The following SMCHD1 variants were observed in gnomAD, a reference collection of about 807,000 sequenced individuals.
The protein encoded by SMCHD1 is structural maintenance of chromosomes flexible hinge domain-containing protein 1.
A neutral mutation model predicts 254.7 loss-of-function variants in SMCHD1; 78 were observed. The observed-to-expected ratio is 0.31, with a 90% CI of 0.26 to 0.37. SMCHD1 has a LOEUF of 0.37. Among genes scored for constraint, SMCHD1 ranks in the 10% least tolerant of loss-of-function variants. The probability of loss-of-function intolerance (pLI) is 1.00; values close to 1 mark genes in which losing one functional copy is unlikely to be tolerated. For synonymous variants in SMCHD1, 766 were observed against 794.9 expected, an observed-to-expected ratio of 0.96 and a Z score of 0.61; for missense variants, 1,840 against 2,408.1, an observed-to-expected ratio of 0.76 and a Z score of 4.94.
intron 25 of SMCHD1, among the ~76,000 whole-genome samples, chr18:2,735,283 C>T (rs1439637454): frequency 6.6e-6 from 1 of 152,086 alleles, no homozygotes; most frequent in African/African-American, 2.4e-5. Context: ...TTGAAGAACA[C>T]ACCTCAAGAT....
Position 2,732,468 on chromosome 18 carries a change from A to C in SMCHD1, c.3252A>C (p.Thr1084=), listed in dbSNP as rs928040828. 1 of 1,605,256 alleles carries C rather than the reference A, an allele frequency of 6.2e-7. No individual in the cohort carries two copies. Among genetic ancestry groups the C allele is most frequent in the East Asian group, 2.2e-5 (1 of 44,706 alleles). ...AAGGAGAAAGAGAAATCAATATAAC[A>C]TCAGCTTTAGCAGAAAAAATTAAAG... The part of the protein sequence containing the change: ...YDEGEREINI[T]SALAEKIKVN... Residue 1084 remains threonine, a synonymous_variant, in exon 25 of 48, where the codon ACA becomes ACC. Transcript: ENST00000320876.
chr18:2,682,793 C>T (rs1313736675), intron 5 of SMCHD1, among the ~76,000 whole-genome samples: 5 of 152,138 alleles, frequency 3.3e-5, no homozygotes, highest in Non-Finnish European at 5.9e-5. Flanking sequence ...CCTAATTCTC[C>T]AGAGGACTGC....
chr18:2,776,872 A>T (rs1351286141), intron 42 of SMCHD1, among the ~76,000 whole-genome samples: 1 of 152,182 alleles, frequency 6.6e-6, no homozygotes, highest in African/African-American at 2.4e-5. Flanking sequence ...CTGACGGGTC[A>T]TAGTTACTAT....
chr18:2,693,411 C>T (rs1300865250), intron 7 of SMCHD1, among the ~76,000 whole-genome samples: 1 of 152,182 alleles, frequency 6.6e-6, no homozygotes, highest in Admixed American at 6.5e-5. Flanking sequence ...TAGGGTACTG[C>T]TCCTAGTCTA....
chr18:2,729,437 T>C (rs1243574799), intron 24 of SMCHD1, 28 bp downstream of exon 24: 23 of 1,459,072 alleles, frequency 1.6e-5, no homozygotes, highest in Non-Finnish European at 2.0e-5. Flanking sequence ...CTCATTGATA[T>C]TATATTGAGT....
intron 1 of SMCHD1, among the ~76,000 whole-genome samples, chr18:2,663,249 G>A (rs1392190144): frequency 6.6e-6 from 1 of 151,720 alleles, no homozygotes; most frequent in Admixed American, 6.5e-5. Context: ...GTGACTACAC[G>A]TGTGCACCAC....
At position 2,665,286 on chromosome 18, in the gene SMCHD1, T is replaced by G. The variant is rs886493145; in HGVS notation, c.187-871T>G. ...TTTTACTTTTTCTCTTTGTTGATCC[T>G]TGTCACCCTTTTGTTTCTTGTTGCA... On this transcript the variant is annotated intron_variant, in intron 1 of 47. Transcript: ENST00000320876. Among the ~76,000 whole-genome samples the G allele has an allele frequency of 3.3e-5, 5 of 152,158 alleles. No homozygotes were observed. The East Asian group carries it at 7.7e-4, about 23-fold the overall frequency.
intron 45 of SMCHD1, among the ~76,000 whole-genome samples, chr18:2,788,415 G>GA (rs2076271627): frequency 1.3e-5 from 2 of 152,132 alleles, no homozygotes; most frequent in Non-Finnish European, 2.9e-5. Flanking sequence ...CTCATGTTTA[G>GA]AACAGTGTGT....
rs1375036925 is a variant in SMCHD1 at position 2,738,550 on chromosome 18, G to GTGGACTCAT, written c.3425+7_3425+15dup. On this transcript the variant is annotated splice_donor_region_variant and intron_variant, in intron 26 of 47. Coordinates refer to ENST00000320876, the MANE Select transcript of SMCHD1 (RefSeq NM_015295.3). ...GGAAAGTGCGTTTACAGTAAGGTTT[G>GTGGACTCAT]TGGACTCATTATATTTTGCAGCCTA... The GTGGACTCAT allele has an allele frequency of 6.2e-7, 1 of 1,603,844 alleles. No individual in the cohort carries two copies. The highest frequency in any genetic ancestry group is 8.5e-7 in the Non-Finnish European group (1 of 1,175,602).
At chr18:2,762,665 G>A (rs1056054530) in intron 36 of SMCHD1, among the ~76,000 whole-genome samples, 2 of 151,814 alleles carry the variant, frequency 1.3e-5, no homozygotes, top group South Asian at 2.1e-4. Context: ...TTTTTTTTCT[G>A]TGGGGTTTTG....
At chr18:2,790,779 G>A (rs2076306605) in intron 45 of SMCHD1, among the ~76,000 whole-genome samples, 1 of 151,986 alleles carries the variant, frequency 6.6e-6, no homozygotes, top group Non-Finnish European at 1.5e-5. Flanking sequence ...AAATACCACA[G>A]TACAGGTAGA....
rs774329481 is a variant in SMCHD1, at chr18:2,750,495, G to T, written c.4153G>T (p.Gly1385Cys). The T allele has an allele frequency of 2.5e-6, 4 of 1,601,128 alleles. No individual in the cohort carries two copies. The highest frequency in any genetic ancestry group is 3.5e-5 in the Admixed American group (2 of 57,638). ...YDKDASFLAG[G>C]LFTDFMISVI... The stretch of plus-strand genomic sequence containing the variant: ...CAAAGATGCATCCTTCTTAGCAGGG[G>T]GTCTTTTCACTGGTGAGTATTTCAC... Residue 1385 changes from glycine (G) to cysteine (C), a missense_variant, in exon 32 of 48, where the codon GGT becomes TGT. By Grantham distance (159) the Gly-to-Cys change is radical. Coordinates refer to ENST00000320876, the MANE Select transcript of SMCHD1 (RefSeq NM_015295.3).
intron 30 of SMCHD1, among the ~76,000 whole-genome samples, chr18:2,748,376 GTGTGTGTATA>G (rs1464261441): frequency 0.023 from 657 of 27,958 alleles, 23 homozygotes; most frequent in East Asian, 0.064. Flanking sequence ...GTGTGTGTGT[GTGTGTGTATA>G]TAAATTTTTT....
chr18:2,739,363 C>T, intron 26 of SMCHD1, 69 bp from the exon 27 acceptor site: 1 of 1,067,986 alleles, frequency 9.4e-7, no homozygotes, highest in Non-Finnish European at 1.5e-6. Context: ...ATGTGTTATT[C>T]TGTAGCATGT....
At chr18:2,725,115 G>A (rs2075000512) in intron 21 of SMCHD1, 120 bp downstream of exon 21, 1 of 540,846 alleles carries the variant, frequency 1.8e-6, no homozygotes. Context: ...ACAGTAATTG[G>A]GTTCTTAGGA....
intron 26 of SMCHD1, 90 bp from the exon 27 acceptor site, chr18:2,739,342 G>T: frequency 1.1e-6 from 1 of 870,648 alleles, no homozygotes; most frequent in East Asian, 2.5e-5. Flanking sequence ...TATTGGATAT[G>T]AACATTATAT....
At chr18:2,687,921 A>T (rs967249224) in intron 5 of SMCHD1, among the ~76,000 whole-genome samples, 1 of 152,146 alleles carries the variant, frequency 6.6e-6, no homozygotes, top group Admixed American at 6.5e-5. Flanking sequence ...ATTTTGAAAG[A>T]CCAGTGATGC....
rs1455075334 is a variant in SMCHD1, at chr18:2,769,773, T to C, written c.4799T>C (p.Leu1600Ser). 2 of 1,604,890 alleles carry C rather than the reference T, an allele frequency of 1.2e-6. No homozygotes were observed. The highest frequency in any genetic ancestry group is 1.7e-5 in the Admixed American group (1 of 58,768). The change falls in exon 38 of 48, where the codon TTA becomes TCA. Residue 1600 changes from leucine (L) to serine (S), a missense_variant. Leu to Ser is a moderately radical substitution (Grantham distance 145, BLOSUM62 -2). Coordinates refer to ENST00000320876, the MANE Select transcript of SMCHD1 (RefSeq NM_015295.3). Reference sequence around the variant, plus strand: ...GTATTTGAGCCCCGGCTACCACTTTTATCAAGAACCTTAGAACCATATATC... The same window carrying C: ...GTATTTGAGCCCCGGCTACCACTTTCATCAAGAACCTTAGAACCATATATC... ...FIVFEPRLPL[L>S]SRTLEPYILP...
At chr18:2,721,820 C>A (rs983514536) in intron 19 of SMCHD1, among the ~76,000 whole-genome samples, 3 of 152,192 alleles carry the variant, frequency 2.0e-5, no homozygotes, top group Non-Finnish European at 4.4e-5. Context: ...TTACTATGCC[C>A]ATTTTAATAG....
Sources: allele counts gnomAD v4.1 joint callset (sites outside exome capture counted in the v4.1 genomes callset), GRCh38; gene constraint gnomAD v4.1.1; transcripts MANE v1.5; gene names NCBI Gene and HGNC (gene_info 2026-07-23, HGNC 2026-07-21).